The following COL18A1 variants were observed in gnomAD, a reference collection of about 807,000 sequenced individuals.
The protein encoded by COL18A1 is collagen alpha-1(XVIII) chain.
A neutral mutation model predicts 168.0 loss-of-function variants in COL18A1; 133 were observed. The observed-to-expected ratio is 0.79, with a 90% confidence interval of 0.69 to 0.91. The LOEUF is 0.91. Among genes scored for constraint, COL18A1 ranks in the 40% least tolerant of loss-of-function variants. COL18A1 has a pLI of 0.00. For synonymous variants in COL18A1, 949 were observed against 809.0 expected (o/e 1.17, Z -2.94); for missense variants, 2,126 against 1,925.4 (o/e 1.10, Z -1.95).
At chr21:45,495,730 A>T (rs1444641685) in intron 29 of COL18A1, 3 of 407,070 alleles carry the variant, frequency 7.4e-6, no homozygotes, top group Non-Finnish European at 1.4e-5. Flanking sequence ...GCACACACAC[A>T]TCCACACGTG....
At chr21:45,492,757 G>C (rs901735581) in intron 24 of COL18A1, 44 bp downstream of exon 24, 6 of 810,614 alleles carry the variant, frequency 7.4e-6, no homozygotes, top group Non-Finnish European at 1.1e-5. Context: ...CGGCTGGGGA[G>C]GGGTCTCCAC....
rs1420368495 is a variant in COL18A1 at position 45,509,346 on chromosome 21, C to G, written c.3250-10C>G. The G allele has an allele frequency of 6.5e-7, 1 of 1,545,052 alleles. No homozygotes were observed. On this transcript the variant is annotated splice_polypyrimidine_tract_variant and intron_variant, in intron 38 of 41. Transcript: ENST00000651438. ...CCCCCGCCGACAGGCCCCACGTCTCCCACCTGCAGGACAATGAAGTGGCCG... is the reference window on the plus strand; with the variant it reads ...CCCCCGCCGACAGGCCCCACGTCTCGCACCTGCAGGACAATGAAGTGGCCG...
At chr21:45,464,960 GC>G in intron 2 of COL18A1, among the ~76,000 whole-genome samples, 1 of 152,316 alleles carries the variant, frequency 6.6e-6, no homozygotes, top group Non-Finnish European at 1.5e-5. Flanking sequence ...CATGTGCACG[GC>G]TGCACATGTG....
At chr21:45,475,088 C>T (rs2838937) in intron 4 of COL18A1, among the ~76,000 whole-genome samples, 32,738 of 152,216 alleles carry the variant, frequency 0.22, 4,809 homozygotes, top group African/African-American at 0.41. Flanking sequence ...CGCCTTGGCG[C>T]GTGTTCGGCC....
rs1438217737 is a variant in COL18A1 at position 45,512,867 on chromosome 21, C to CCAT, written c.*471_*473dup. 1 of 252,428 alleles carries CCAT rather than the reference C, an allele frequency of 4.0e-6. No homozygotes were observed. Among genetic ancestry groups the CCAT allele is most frequent in the African/African-American group, 2.3e-5 (1 of 44,144 alleles). 15.6% of individuals were successfully genotyped at this position (252,428 alleles called of 1,614,324 possible). On this transcript the variant is annotated 3_prime_UTR_variant, in exon 42 of 42. Coordinates refer to ENST00000651438, the MANE Select transcript of COL18A1 (RefSeq NM_001379500.1). ...AGCTGAGGCCACACTCAGCACAAGG[C>CCAT]CATCTGGGCTCCTCCAGGGTGTGTG...
intron 2 of COL18A1, among the ~76,000 whole-genome samples, chr21:45,450,509 CT>C (rs2034598091): frequency 1.3e-5 from 2 of 152,218 alleles, no homozygotes; most frequent in African/African-American, 4.8e-5. Context: ...TCTTTGCCCC[CT>C]GATGAACCAG....
rs768552772 is a variant in COL18A1, at chr21:45,489,527, C to T, written c.1959+6C>T. ...CTGGGCTGCCGGGGGCGAAGGTAAG[C>T]GCTGTGCCCGGGTTCAGGGACGTGG... On this transcript the variant is annotated splice_donor_region_variant and intron_variant, in intron 19 of 41. Transcript: ENST00000651438. 7.6e-6 allele frequency: 12 copies of T among 1,588,504 alleles called. No individual in the cohort carries two copies. Among genetic ancestry groups the T allele is most frequent in the African/African-American group, 1.3e-5 (1 of 74,446 alleles).
intron 6 of COL18A1, 122 bp from the exon 7 acceptor site, chr21:45,477,289 C>CA: frequency 1.3e-6 from 1 of 742,900 alleles, no homozygotes; most frequent in Non-Finnish European, 2.3e-6. Flanking sequence ...GGGGATCTGA[C>CA]AGTGTCCAGC....
intron 2 of COL18A1, among the ~76,000 whole-genome samples, chr21:45,415,279 C>T (rs2838908): frequency 0.71 from 107,638 of 152,078 alleles, 38,266 homozygotes; most frequent in East Asian, 0.86. Flanking sequence ...GGTCAGAATA[C>T]GAGCACTTCC....
At chr21:45,426,064 G>A (rs560639502) in intron 2 of COL18A1, among the ~76,000 whole-genome samples, 21 of 152,226 alleles carry the variant, frequency 1.4e-4, no homozygotes, top group East Asian at 3.9e-4. Flanking sequence ...TGGCTGGGGC[G>A]TAAGTGAATT....
intron 2 of COL18A1, among the ~76,000 whole-genome samples, chr21:45,431,442 C>A (rs1186168511): frequency 1.0e-5 from 1 of 99,418 alleles, no homozygotes; most frequent in Non-Finnish European, 2.0e-5. Context: ...AGGCAGGACC[C>A]GGCGGCCCAG....
chr21:45,408,054 GT>G (rs549073267), intron 2 of COL18A1: 1 of 152,394 alleles, frequency 6.6e-6, no homozygotes, highest in African/African-American at 2.4e-5. Context: ...TTGGAAGATA[GT>G]TTTGAATTTC....
At chr21:45,406,154 A>C (rs1000917731) in intron 2 of COL18A1, among the ~76,000 whole-genome samples, 1 of 152,116 alleles carries the variant, frequency 6.6e-6, no homozygotes, top group Non-Finnish European at 1.5e-5. Flanking sequence ...CCAGTTCCCC[A>C]CCACCTGCTA....
Position 45,509,531 on chromosome 21 carries a change from C to G in COL18A1, c.3425C>G (p.Ser1142Cys), listed in dbSNP as rs772512743. 1.3e-6 allele frequency: 2 copies of G among 1,537,980 alleles called. No homozygotes were observed. The highest frequency in any genetic ancestry group is 2.4e-5 in the South Asian group (2 of 84,870). Residue 1142 changes from serine to cysteine, a missense_variant, in exon 39 of 42, where the codon TCC becomes TGC. Coordinates refer to ENST00000651438, the MANE Select transcript of COL18A1 (RefSeq NM_001379500.1). ...TACCCCGGAGCCCCGCACCACAGCT[C>G]CTACGTGCACCTGCGGCCGGCGCGA... ...QPYPGAPHHS[S>C]YVHLRPARPT...
In COL18A1 at chr21:45,504,532, C is replaced by T. The variant is rs2037068049; in HGVS notation, c.2844C>T (p.Gly948=). The change falls in exon 34 of 42, where the codon GGC becomes GGT. Residue 948 remains glycine, a synonymous_variant. Transcript: ENST00000651438. ...PGPPGPPGPP[G]PRGYPGIPGP... is the part of the protein sequence containing the mutation. ...CCCCCGGCCCCCCAGGCCCCCCAGGCCCACGTGGCTACCCTGGGATTCCAG... is the reference window on the plus strand; with the variant it reads ...CCCCCGGCCCCCCAGGCCCCCCAGGTCCACGTGGCTACCCTGGGATTCCAG... 2 of 1,570,590 alleles carry T rather than the reference C, an allele frequency of 1.3e-6. No homozygotes were observed. The highest frequency in any genetic ancestry group is 2.3e-5 in the East Asian group (1 of 43,000).
At chr21:45,409,041 T>TGGCTGAGCACAGCCCCCAGGCTGG (rs61006361) in intron 2 of COL18A1, among the ~76,000 whole-genome samples, 108,319 of 151,796 alleles carry the variant, frequency 0.71, 39,193 homozygotes, top group East Asian at 0.85. Context: ...AAGCTGGCTG[T>TGGCTGAGCACAGCCCCCAGGCTGG]GGCTGTGTCT....
At chr21:45,460,293 C>T (rs1271202645) in intron 2 of COL18A1, among the ~76,000 whole-genome samples, 2 of 152,238 alleles carry the variant, frequency 1.3e-5, no homozygotes, top group African/African-American at 4.8e-5. Context: ...TGGATAGTGC[C>T]TGTGCACAGA....
intron 2 of COL18A1, among the ~76,000 whole-genome samples, chr21:45,407,078 C>T (rs1293234538): frequency 6.6e-6 from 1 of 152,316 alleles, no homozygotes; most frequent in South Asian, 2.1e-4. Context: ...GCATGCTGCC[C>T]ACACACCCCT....
At chr21:45,511,847 A>G (rs951955619) in intron 41 of COL18A1, among the ~76,000 whole-genome samples, 2 of 152,158 alleles carry the variant, frequency 1.3e-5, no homozygotes, top group Non-Finnish European at 2.9e-5. Context: ...GAAAGCCAGG[A>G]GCCCGGGAGG....
Sources: gnomAD v4.1 joint callset for allele counts (sites outside exome capture counted in the v4.1 genomes callset) on GRCh38, gnomAD v4.1.1 for gene constraint, MANE v1.5 for transcripts, NCBI Gene and HGNC (gene_info 2026-07-23, HGNC 2026-07-21) for gene names.